The following ATP8B2 variants were observed in gnomAD, a reference collection of about 807,000 sequenced individuals.
The protein encoded by ATP8B2 is phospholipid-transporting ATPase ID.
ATP8B2 carries 70 observed loss-of-function variants against 133.4 expected under a neutral mutation model. The ratio of observed to expected loss-of-function variants is 0.52; its 90% confidence interval spans 0.43 to 0.64. The LOEUF (loss-of-function observed/expected upper bound fraction) is 0.64. ATP8B2 is among the 30% of genes least tolerant of loss of function. The pLI, the probability that ATP8B2 is intolerant of heterozygous loss-of-function variation, is 0.00. For synonymous variants in ATP8B2, 517 were observed against 589.5 expected, an observed-to-expected ratio of 0.88 and a Z score of 1.78; for missense variants, 1,101 against 1,535.7, an observed-to-expected ratio of 0.72 and a Z score of 4.73.
intron 1 of ATP8B2, among the ~76,000 whole-genome samples, chr1:154,327,350 C>T (rs551436592): frequency 6.9e-6 from 1 of 144,680 alleles, no homozygotes; most frequent in South Asian, 2.2e-4. Context: ...CATGGGAAGG[C>T]GGAAGCAGGC....
intron 1 of ATP8B2, chr1:154,327,831 C>T: frequency 6.2e-7 from 1 of 1,613,804 alleles, no homozygotes; most frequent in Non-Finnish European, 8.5e-7. Flanking sequence ...CCCCTTTTTT[C>T]AATATCTGGC....
In ATP8B2 at chr1:154,344,474, T is replaced by A. The variant is rs1686508929; in HGVS notation, c.2115T>A (p.Thr705=). 1 of 1,614,062 alleles carries A rather than the reference T, an allele frequency of 6.2e-7. No homozygotes were observed. The highest frequency in any genetic ancestry group is 1.3e-5 in the African/African-American group (1 of 74,936). ...AGGTTTTCATAGTCACTGGCCATAC[T>A]GTCCTGGAGGTGCGGGAGGAGCTCA... ...MTEVFIVTGH[T]VLEVREELRK... Residue 705 remains threonine, a synonymous_variant, in exon 20 of 28, where the codon ACT becomes ACA. Coordinates refer to ENST00000368489, the MANE Select transcript of ATP8B2 (RefSeq NM_001370597.1). The surrounding 1 kb of genome is among the most constrained non-coding windows in gnomAD (Gnocchi z 4.1).
intron 1 of ATP8B2, chr1:154,327,777 T>C: frequency 1.9e-6 from 3 of 1,609,998 alleles, no homozygotes; most frequent in Non-Finnish European, 2.6e-6. Context: ...CCAGAACACA[T>C]GAGAGCCTCC....
chr1:154,326,029 G>T (rs1023307549), intron 1 of ATP8B2, among the ~76,000 whole-genome samples: 1 of 152,172 alleles, frequency 6.6e-6, no homozygotes, highest in Admixed American at 6.5e-5. Flanking sequence ...GGGGAGACCC[G>T]CCCAGAGAGT....
At chr1:154,327,671 C>T in intron 1 of ATP8B2, 1 of 892,352 alleles carries the variant, frequency 1.1e-6, no homozygotes, top group East Asian at 2.4e-5. Context: ...CACCCTGTTT[C>T]CTGATGCCCT....
chr1:154,346,683 G>A lies in ATP8B2; in HGVS notation c.3088G>A (p.Val1030Ile). The A allele has an allele frequency of 6.2e-7, 1 of 1,614,158 alleles. No individual in the cohort carries two copies. The highest frequency in any genetic ancestry group is 8.5e-7 in the Non-Finnish European group (1 of 1,180,040). The change falls in exon 26 of 28, where the codon GTT becomes ATT. Residue 1030 changes from valine (V) to isoleucine (I), a missense_variant. Physicochemically the swap from Val to Ile is conservative, Grantham distance 29. Transcript: ENST00000368489. This position sits in a 1 kb window ranked among gnomAD's most constrained non-coding sequence, Gnocchi z 4.5. ...CTTCTTCATCTGGGGAAGCCTTGCT[G>A]TTTACTTTGCCATCCTCTTTGCCAT... is the stretch of plus-strand genomic sequence containing the variant. ...NHFFIWGSLAVYFAILFAMHS... is the reference protein window; with the variant it reads ...NHFFIWGSLAIYFAILFAMHS...
At chr1:154,348,562 T>A in intron 27 of ATP8B2, 24 bp downstream of exon 27, 1 of 1,610,340 alleles carries the variant, frequency 6.2e-7, no homozygotes. Flanking sequence ...CTACCTGCTG[T>A]GGGAGGCAGA....
Position 154,331,147 on chromosome 1 carries a change from G to T in ATP8B2, c.303+1G>T. 1 of 1,612,308 alleles carries T rather than the reference G, an allele frequency of 6.2e-7. No homozygotes were observed. On this transcript the variant is annotated splice_donor_variant, in intron 5 of 27. Transcript: ENST00000368489. LOFTEE classifies it high-confidence loss of function. The surrounding 1 kb of genome is among the most constrained non-coding windows in gnomAD (Gnocchi z 4.8). ...TGTTAAAGATGCCACTGATGACTAT[G>T]TGAGTGGTTTTCATTCTTCTATTTT...
chr1:154,332,781 T>G (rs1686041191), intron 9 of ATP8B2, 84 bp downstream of exon 9: 1 of 1,110,808 alleles, frequency 9.0e-7, no homozygotes, highest in African/African-American at 1.6e-5. Flanking sequence ...CATTTTCCTT[T>G]GGGCTTTTTG....
intron 12 of ATP8B2, 170 bp downstream of exon 12, chr1:154,337,714 C>G (rs1686238631): frequency 6.5e-7 from 1 of 1,548,222 alleles, no homozygotes; most frequent in Admixed American, 2.1e-5. Context: ...AAACTTTTTA[C>G]CACAGTTTCC....
In ATP8B2 at chr1:154,351,122, T is replaced by TTA. The variant is rs34331770; in HGVS notation, c.*2018_*2019dup. On this transcript the variant is annotated 3_prime_UTR_variant, in exon 28 of 28. Transcript: ENST00000368489. ...ATATTATATAAATATATATATACAG[T>TTA]TATATATATATATATTATTTTTTGG... 41,917 of 147,044 alleles carry TTA rather than the reference T, an allele frequency of 0.29. 6,155 individuals carry two copies. Among genetic ancestry groups the TTA allele is most frequent in the African/African-American group, 0.32 (13,082 of 40,338 alleles). The allele number at this position is 147,044 out of a possible 1,614,324, so 9.1% of individuals were successfully genotyped here.
chr1:154,330,762 G>C lies in ATP8B2; in HGVS notation c.91-53G>C. 2.0e-6 allele frequency: 3 copies of C among 1,467,306 alleles called. No homozygotes were observed. The South Asian group carries it at 3.4e-5, about 17-fold the overall frequency. 90.9% of individuals were successfully genotyped at this position (1,467,306 alleles called of 1,614,324 possible). A position where few individuals can be genotyped will look rare whatever the true frequency, so the allele number is the denominator to read the frequency against. On this transcript the variant is annotated intron_variant, in intron 3 of 27. Transcript: ENST00000368489. The stretch of plus-strand genomic sequence containing the variant: ...AAGATGGGGGAGGCAGCCTCAGTCT[G>C]GTTCTGGGTTGGGACTGGAGACTGC...
At chr1:154,342,552 G>A (rs1257072910) in intron 14 of ATP8B2, 29 bp downstream of exon 14, 1 of 1,608,512 alleles carries the variant, frequency 6.2e-7, no homozygotes, top group Non-Finnish European at 8.5e-7. Context: ...AATTCTATGT[G>A]CCAGTGAAAC....
chr1:154,335,354 C>T (rs1686142079), intron 11 of ATP8B2, among the ~76,000 whole-genome samples: 1 of 152,168 alleles, frequency 6.6e-6, no homozygotes, highest in Admixed American at 6.5e-5. Flanking sequence ...TGGTTTTTTA[C>T]CAGTCTCTCC....
chr1:154,340,980 G>A lies in ATP8B2; in HGVS notation c.1161G>A (p.Glu387=). The A allele has an allele frequency of 6.2e-7, 1 of 1,614,194 alleles. No individual in the cohort carries two copies. The highest frequency in any genetic ancestry group is 8.5e-7 in the Non-Finnish European group (1 of 1,180,032). The change falls in exon 13 of 28, where the codon GAG becomes GAA. Residue 387 remains glutamate, a synonymous_variant. Transcript: ENST00000368489. The surrounding 1 kb of genome is among the most constrained non-coding windows in gnomAD (Gnocchi z 4.0). ...TTLNEELGQV[E]YIFSDKTGTL... ...TAAACGAGGAGCTGGGCCAGGTGGA[G>A]TACATCTTCTCCGACAAGACGGGCA...
rs1442922842 is a variant in ATP8B2, at chr1:154,340,966, C to T, written c.1147C>T (p.Leu383=). Residue 383 remains leucine (L), a synonymous_variant, in exon 13 of 28, where the codon CTG becomes TTG. Coordinates refer to ENST00000368489, the MANE Select transcript of ATP8B2 (RefSeq NM_001370597.1). The surrounding 1 kb of genome is among the most constrained non-coding windows in gnomAD (Gnocchi z 4.0). ...EARTTTLNEE[L]GQVEYIFSDK... ...CCGCACCACCACCCTAAACGAGGAG[C>T]TGGGCCAGGTGGAGTACATCTTCTC... 3.0e-5 allele frequency: 49 copies of T among 1,614,086 alleles called. No individual in the cohort carries two copies. The East Asian group carries it at 1.1e-3, about 35-fold the overall frequency.
chr1:154,348,898 G>C lies in ATP8B2; in HGVS notation c.3353G>C (p.Arg1118Pro). 6.2e-7 allele frequency: 1 copy of C among 1,613,744 alleles called. No homozygotes were observed. Residue 1118 changes from arginine to proline, a missense_variant, in exon 28 of 28, where the codon CGG (arginine) becomes CCG (proline). Physicochemically the swap from Arg to Pro is moderately radical, Grantham distance 103. Transcript: ENST00000368489. The stretch of plus-strand genomic sequence containing the variant: ...AAGGCCCAGCACCGCTGCATGCGGC[G>C]GGTTGGCCGCACTGGCTCCCGGCGC... ...KQKAQHRCMR[R>P]VGRTGSRRSG...
chr1:154,340,739 G>A lies in ATP8B2; in HGVS notation c.1035-115G>A. On this transcript the variant is annotated intron_variant, in intron 12 of 27. Transcript: ENST00000368489. This position sits in a 1 kb window ranked among gnomAD's most constrained non-coding sequence, Gnocchi z 4.0. Reference sequence around the variant, plus strand: ...TTTCCCACCCAGGTTTCTGTGCCCAGGTGTCTTCTCCGTTCTTGTCTCTCC... The same window carrying A: ...TTTCCCACCCAGGTTTCTGTGCCCAAGTGTCTTCTCCGTTCTTGTCTCTCC... 1.0e-6 allele frequency: 1 copy of A among 976,578 alleles called. No individual in the cohort carries two copies. Among genetic ancestry groups the A allele is most frequent in the Non-Finnish European group, 1.6e-6 (1 of 629,648 alleles). The allele number at this position is 976,578 out of a possible 1,614,324, so 60.5% of individuals were successfully genotyped here.
chr1:154,332,555 C>T, intron 8 of ATP8B2, 63 bp from the exon 9 acceptor site: 1 of 1,331,146 alleles, frequency 7.5e-7, no homozygotes, highest in Non-Finnish European at 1.1e-6. Context: ...GAGACCCCAT[C>T]TGTGAAAAAA....
Sources: gnomAD v4.1 joint callset for allele counts (sites outside exome capture counted in the v4.1 genomes callset) on GRCh38, gnomAD v4.1.1 for gene constraint, Gnocchi (gnomAD v3.1) non-coding constraint, MANE v1.5 for transcripts, NCBI Gene and HGNC (gene_info 2026-07-23, HGNC 2026-07-21) for gene names.